Variants in TNRC6B observed in about 807,000 individuals in gnomAD.
TNRC6B encodes trinucleotide repeat-containing gene 6B protein.
TNRC6B carries 52 observed loss-of-function variants against 203.6 expected under a neutral mutation model. The ratio of observed to expected loss-of-function variants is 0.26; its 90% CI spans 0.20 to 0.32. The LOEUF is 0.32. TNRC6B is among the 10% of genes least tolerant of loss of function. The pLI is 1.00. For synonymous variants in TNRC6B, 838 were observed against 845.7 expected, an observed-to-expected ratio of 0.99 and a Z score of 0.16; for missense variants, 1,923 against 2,286.2, an observed-to-expected ratio of 0.84 and a Z score of 3.24.
At chr22:40,203,489 G>A (rs193225314) in intron 1 of TNRC6B, among the ~76,000 whole-genome samples, 1 of 152,192 alleles carries the variant, frequency 6.6e-6, no homozygotes, top group East Asian at 1.9e-4. Flanking sequence ...GTGCTATTTG[G>A]GTGGGGAGAT....
Position 40,331,376 on chromosome 22 carries a change from T to C in TNRC6B, c.*8135T>C. ...GAAATCTGCAGTGTCTTTATTTGTT[T>C]TTATGTTTTAAACAATTTCACCTCT... On this transcript the variant is annotated 3_prime_UTR_variant, in exon 23 of 23. Transcript: ENST00000454349. The C allele has an allele frequency of 3.9e-6, 1 of 256,342 alleles. No individual in the cohort carries two copies. The allele number at this position is 256,342 out of a possible 1,614,324, so 15.9% of individuals were successfully genotyped here. A position where few individuals can be genotyped will look rare whatever the true frequency, so the allele number is the denominator to read the frequency against.
intron 7 of TNRC6B, among the ~76,000 whole-genome samples, chr22:40,274,575 C>T (rs1400686231): frequency 6.6e-6 from 1 of 152,134 alleles, no homozygotes; most frequent in East Asian, 1.9e-4. Flanking sequence ...CAGCTGCCAC[C>T]ACGCCCGGCT....
intron 1 of TNRC6B, among the ~76,000 whole-genome samples, chr22:40,095,871 T>A (rs2068182735): frequency 1.3e-5 from 2 of 151,894 alleles, no homozygotes; most frequent in Non-Finnish European, 2.9e-5. Flanking sequence ...TCAACAAAAT[T>A]TACAAGTACC....
At chr22:40,229,337 C>T (rs1001759433) in intron 1 of TNRC6B, among the ~76,000 whole-genome samples, 3 of 152,140 alleles carry the variant, frequency 2.0e-5, no homozygotes, top group Non-Finnish European at 4.4e-5. Flanking sequence ...GAACAGTGTG[C>T]ACACCCAGGG....
intron 7 of TNRC6B, among the ~76,000 whole-genome samples, chr22:40,276,180 T>C (rs1004776149): frequency 6.6e-6 from 1 of 151,674 alleles, no homozygotes; most frequent in African/African-American, 2.4e-5. Context: ...ACCCCATCTC[T>C]ACTAAAAATA....
At chr22:40,144,159 A>AC (rs2068670379) in intron 3 of TNRC6B, among the ~76,000 whole-genome samples, 4 of 152,194 alleles carry the variant, frequency 2.6e-5, no homozygotes, top group African/African-American at 7.2e-5. Context: ...ACTGTTTCAT[A>AC]AGCTTCTAAA....
chr22:40,201,507 C>T (rs1036090063), intron 1 of TNRC6B, among the ~76,000 whole-genome samples: 1 of 151,624 alleles, frequency 6.6e-6, no homozygotes. Flanking sequence ...ATGATCATGG[C>T]TCACTGCAGC....
At chr22:40,313,883 C>A (rs1048110086) in intron 19 of TNRC6B, among the ~76,000 whole-genome samples, 3 of 152,134 alleles carry the variant, frequency 2.0e-5, no homozygotes, top group African/African-American at 7.2e-5. Flanking sequence ...CTGTTGTTAC[C>A]CCTATTTTGT....
intron 3 of TNRC6B, among the ~76,000 whole-genome samples, chr22:40,255,639 G>A (rs1453313510): frequency 6.6e-6 from 1 of 152,184 alleles, no homozygotes; most frequent in African/African-American, 2.4e-5. Flanking sequence ...CATGAAAATA[G>A]TCCAAATAGG....
intron 4 of TNRC6B, among the ~76,000 whole-genome samples, chr22:40,162,627 G>A (rs947191122): frequency 6.6e-6 from 1 of 152,268 alleles, no homozygotes; most frequent in African/African-American, 2.4e-5. Context: ...TTAATTTTGT[G>A]TATTACACCA....
chr22:40,200,431 C>T (rs1447463341), intron 1 of TNRC6B, among the ~76,000 whole-genome samples: 1 of 150,892 alleles, frequency 6.6e-6, no homozygotes, highest in Non-Finnish European at 1.5e-5. Flanking sequence ...GGATTACAGG[C>T]GTGCACCCCC....
intron 3 of TNRC6B, among the ~76,000 whole-genome samples, chr22:40,137,346 C>T (rs2068608570): frequency 6.6e-6 from 1 of 152,202 alleles, no homozygotes; most frequent in Non-Finnish European, 1.5e-5. Flanking sequence ...TTGGGTTGAA[C>T]TCCAGGCCTG....
At chr22:40,146,065 G>C (rs1043240438) in intron 3 of TNRC6B, among the ~76,000 whole-genome samples, 1 of 152,184 alleles carries the variant, frequency 6.6e-6, no homozygotes, top group Non-Finnish European at 1.5e-5. Context: ...AGAGGTCCAA[G>C]GGCAGAACCT....
At chr22:40,175,289 G>A (rs2069044951), upstream of TNRC6B, among the ~76,000 whole-genome samples, 1 of 152,038 alleles carries the variant, frequency 6.6e-6, no homozygotes, top group Non-Finnish European at 1.5e-5. Flanking sequence ...CCCAGGAGGT[G>A]GAGGTTCCTG....
chr22:40,315,695 A>AACTCCCAAGGGACAGG (rs2071248211), intron 20 of TNRC6B, among the ~76,000 whole-genome samples, 188 bp downstream of exon 20: 1 of 152,270 alleles, frequency 6.6e-6, no homozygotes, highest in Non-Finnish European at 1.5e-5. Flanking sequence ...AAAGGGACAG[A>AACTCCCAAGGGACAGG]TGGAGTAAAA....
At chr22:40,152,700 G>A (rs1006512075) in intron 3 of TNRC6B, among the ~76,000 whole-genome samples, 16 of 151,636 alleles carry the variant, frequency 1.1e-4, no homozygotes, top group Admixed American at 3.9e-4. Context: ...CTTGATCTCT[G>A]GACCTTGTGA....
chr22:40,233,090 G>A (rs1177556009), intron 1 of TNRC6B, among the ~76,000 whole-genome samples: 1 of 152,020 alleles, frequency 6.6e-6, no homozygotes, highest in African/African-American at 2.4e-5. Flanking sequence ...GGAGGTTACA[G>A]TGAGCTGAGA....
intron 1 of TNRC6B, among the ~76,000 whole-genome samples, chr22:40,055,853 G>A (rs2067790196): frequency 6.6e-6 from 1 of 152,174 alleles, no homozygotes; most frequent in Non-Finnish European, 1.5e-5. Flanking sequence ...CAGAAAAGAG[G>A]ACTACCCAGA....
At chr22:40,313,132 G>C in intron 19 of TNRC6B, 135 bp downstream of exon 19, 1 of 674,816 alleles carries the variant, frequency 1.5e-6, no homozygotes, top group Non-Finnish European at 2.5e-6. Flanking sequence ...ATAGATGGAA[G>C]CACATCTTTT....
Sources: allele counts gnomAD v4.1 joint callset (sites outside exome capture counted in the v4.1 genomes callset), GRCh38; gene constraint gnomAD v4.1.1; transcripts MANE v1.5; gene names NCBI Gene and HGNC (gene_info 2026-07-23, HGNC 2026-07-21).